The following KCTD8 variants were observed in gnomAD, a reference collection of about 807,000 sequenced individuals.
KCTD8 encodes potassium channel tetramerization domain containing 8.
KCTD8 carries 27 observed loss-of-function variants against 31.5 expected under a neutral mutation model. That is an observed-to-expected ratio of 0.86 (90% CI 0.63 to 1.18). The LOEUF (loss-of-function observed/expected upper bound fraction) is 1.18, where lower values mean the gene tolerates loss of function less well. Among genes scored for constraint, KCTD8 ranks in the 50% most tolerant of loss-of-function variants. The pLI, the probability that KCTD8 is intolerant of heterozygous loss-of-function variation, is 0.00. For missense variants in KCTD8, 658 were observed against 647.7 expected (o/e 1.02, Z -0.17); for synonymous variants, 290 against 280.0 (o/e 1.04, Z -0.36).
chr4:44,240,252 G>T (rs188935874), intron 1 of KCTD8, among the ~76,000 whole-genome samples: 1 of 152,180 alleles, frequency 6.6e-6, no homozygotes, highest in Non-Finnish European at 1.5e-5. Context: ...AGTTTTACAT[G>T]ATTTGTTGTT....
At chr4:44,332,874 CT>C (rs144789029) in intron 1 of KCTD8, among the ~76,000 whole-genome samples, 1,979 of 152,112 alleles carry the variant, frequency 0.013, 49 homozygotes, top group African/African-American at 0.045. Context: ...TCAACTCTGA[CT>C]CTGTTGATGT....
chr4:44,249,798 C>T (rs1715773643), intron 1 of KCTD8, among the ~76,000 whole-genome samples: 2 of 151,230 alleles, frequency 1.3e-5, no homozygotes, highest in African/African-American at 4.8e-5. Context: ...CCCTTCCCCT[C>T]CTCTTTCCTT....
intron 1 of KCTD8, among the ~76,000 whole-genome samples, chr4:44,441,728 A>C (rs1458591533): frequency 1.3e-5 from 2 of 152,222 alleles, no homozygotes; most frequent in African/African-American, 4.8e-5. Flanking sequence ...TTAGGGAACT[A>C]ATGTCAAGCT....
chr4:44,392,223 T>G (rs567126245), intron 1 of KCTD8, among the ~76,000 whole-genome samples: 1 of 151,992 alleles, frequency 6.6e-6, no homozygotes, highest in African/African-American at 2.4e-5. Context: ...TTCCTTTAAG[T>G]TGATCCCTAA....
In KCTD8 at chr4:44,223,629, C is replaced by T. The variant is rs562010549; in HGVS notation, c.962-48379G>A. 2.6e-5 allele frequency among the ~76,000 whole-genome samples: 4 copies of T among 152,260 alleles called. No homozygotes were observed. The South Asian group carries it at 8.3e-4, about 32-fold the overall frequency. The stretch of plus-strand genomic sequence containing the variant: ...CTTCACAGAGTTCCTAGTCTAGTGG[C>T]AGAGTAAAAGGTATGTCAATTATTA... On this transcript the variant is annotated intron_variant, in intron 1 of 1. Transcript: ENST00000360029.
intron 1 of KCTD8, among the ~76,000 whole-genome samples, chr4:44,262,124 C>T (rs1042256633): frequency 5.3e-5 from 8 of 152,126 alleles, no homozygotes; most frequent in East Asian, 1.9e-4. Flanking sequence ...TTCTGTCAAA[C>T]GGTTTCTCAA....
intron 1 of KCTD8, among the ~76,000 whole-genome samples, chr4:44,223,921 T>C (rs1714877207): frequency 6.6e-6 from 1 of 152,238 alleles, no homozygotes; most frequent in Non-Finnish European, 1.5e-5. Context: ...ATACAGATTA[T>C]GGACTGTAAG....
At chr4:44,244,855 G>C (rs895715039) in intron 1 of KCTD8, among the ~76,000 whole-genome samples, 7 of 151,126 alleles carry the variant, frequency 4.6e-5, no homozygotes, top group South Asian at 2.1e-4. Context: ...TGTGGGGGGG[G>C]GGGGGTCTTC....
At chr4:44,258,046 T>C (rs1337023773) in intron 1 of KCTD8, among the ~76,000 whole-genome samples, 1 of 152,128 alleles carries the variant, frequency 6.6e-6, no homozygotes, top group South Asian at 2.1e-4. Flanking sequence ...AGTTGCCTAT[T>C]GTGTATAAAA....
At chr4:44,423,593 T>C (rs1000831140) in intron 1 of KCTD8, among the ~76,000 whole-genome samples, 1 of 151,912 alleles carries the variant, frequency 6.6e-6, no homozygotes, top group Admixed American at 6.6e-5. Context: ...AGTAAATTCA[T>C]CTCCTTTTAA....
At chr4:44,284,069 T>G (rs1716984591) in intron 1 of KCTD8, among the ~76,000 whole-genome samples, 1 of 152,108 alleles carries the variant, frequency 6.6e-6, no homozygotes, top group Non-Finnish European at 1.5e-5. Flanking sequence ...AATTTATAGA[T>G]TCAATGCTAT....
Position 44,277,726 on chromosome 4 carries a change from A to G in KCTD8, c.962-102476T>C, listed in dbSNP as rs550508842. ...GTTTCCTAAACATTTTACGTGCATC[A>G]TTATTTTTTAACTCTTACTTCAATC... On this transcript the variant is annotated intron_variant, in intron 1 of 1. Coordinates refer to ENST00000360029, the MANE Select transcript of KCTD8 (RefSeq NM_198353.3). 2.9e-3 allele frequency among the ~76,000 whole-genome samples: 442 copies of G among 152,004 alleles called. 2 individuals are homozygous for G. Among genetic ancestry groups the G allele is most frequent in the Non-Finnish European group, 3.9e-3 (267 of 67,902 alleles).
At chr4:44,343,842 T>TTTG (rs1476475314) in intron 1 of KCTD8, among the ~76,000 whole-genome samples, 1 of 151,974 alleles carries the variant, frequency 6.6e-6, no homozygotes, top group Admixed American at 6.6e-5. Context: ...CAGGGTTTTT[T>TTTG]TTGTTGTTGT....
intron 1 of KCTD8, among the ~76,000 whole-genome samples, chr4:44,327,060 G>T (rs11932981): frequency 6.6e-6 from 1 of 151,740 alleles, no homozygotes; most frequent in Non-Finnish European, 1.5e-5. Flanking sequence ...TCCTGTAATG[G>T]GCTCTTTGCC....
At chr4:44,428,659 T>C (rs1721403107) in intron 1 of KCTD8, among the ~76,000 whole-genome samples, 1 of 151,782 alleles carries the variant, frequency 6.6e-6, no homozygotes, top group Admixed American at 6.6e-5. Context: ...GTACCTCAGA[T>C]TAAATACTTC....
At chr4:44,242,979 T>G (rs1715549188) in intron 1 of KCTD8, among the ~76,000 whole-genome samples, 1 of 152,174 alleles carries the variant, frequency 6.6e-6, no homozygotes, top group South Asian at 2.1e-4. Flanking sequence ...ACTAAATCTC[T>G]TTTCCTTACA....
chr4:44,435,749 T>TATG, intron 1 of KCTD8, among the ~76,000 whole-genome samples: 1 of 152,144 alleles, frequency 6.6e-6, no homozygotes, highest in East Asian at 1.9e-4. Flanking sequence ...AAGCACCAGG[T>TATG]GTGCAGGATA....
chr4:44,287,275 TA>T (rs766607122), intron 1 of KCTD8, among the ~76,000 whole-genome samples: 23 of 152,106 alleles, frequency 1.5e-4, no homozygotes, highest in Non-Finnish European at 3.1e-4. Flanking sequence ...AAATAAACAT[TA>T]AATTAATTTG....
At chr4:44,288,268 T>G (rs1042822506) in intron 1 of KCTD8, among the ~76,000 whole-genome samples, 3 of 152,134 alleles carry the variant, frequency 2.0e-5, no homozygotes, top group Admixed American at 6.6e-5. Flanking sequence ...AATTGTACAC[T>G]CATCCAAGCA....
Sources: allele counts gnomAD v4.1 joint callset (sites outside exome capture counted in the v4.1 genomes callset), GRCh38; gene constraint gnomAD v4.1.1; transcripts MANE v1.5; gene names NCBI Gene and HGNC (gene_info 2026-07-23, HGNC 2026-07-21).